Variants in ITGA2 observed in about 807,000 individuals in gnomAD.
The protein encoded by ITGA2 is integrin alpha-2.
Under a neutral mutation model 146.3 loss-of-function variants are expected in ITGA2, and 101 were observed. The ratio of observed to expected loss-of-function variants is 0.69; its 90% confidence interval spans 0.59 to 0.81. ITGA2 has a LOEUF of 0.81. ITGA2 is among the 40% of genes least tolerant of loss of function. The pLI is 0.00. For synonymous variants in ITGA2, 477 were observed against 487.1 expected (o/e 0.98, Z 0.27); for missense variants, 1,281 against 1,402.7 (o/e 0.91, Z 1.39).
At chr5:53,081,774 C>A in intron 26 of ITGA2, 78 bp downstream of exon 26, 1 of 935,336 alleles carries the variant, frequency 1.1e-6, no homozygotes, top group Non-Finnish European at 1.7e-6. Flanking sequence ...TTTCTCCTAC[C>A]AGCTGATATC....
Position 53,061,034 on chromosome 5 carries a change from C to T in ITGA2, c.1446C>T (p.His482=), listed in dbSNP as rs1394220172. ...GCAATATCACGGTTATTCAGGCTCA[C>T]CGAGGTGACCAGGTAAATCTCACTG... ...ENGNITVIQA[H]RGDQIGSYFG... is the part of the protein sequence containing the mutation. The change falls in exon 12 of 30, where the codon CAC becomes CAT. Residue 482 remains histidine, a synonymous_variant. Transcript: ENST00000296585. 1 of 1,612,034 alleles carries T rather than the reference C, an allele frequency of 6.2e-7. No homozygotes were observed. Among genetic ancestry groups the T allele is most frequent in the East Asian group, 2.2e-5 (1 of 44,802 alleles).
At chr5:53,000,897 GTTTTTT>G (rs369482288) in intron 1 of ITGA2, among the ~76,000 whole-genome samples, 1 of 97,224 alleles carries the variant, frequency 1.0e-5, no homozygotes, top group Non-Finnish European at 2.0e-5. Context: ...TTTTCTTTTT[GTTTTTT>G]TTTTTTTTTT....
At chr5:53,008,718 T>C (rs998560923) in intron 1 of ITGA2, among the ~76,000 whole-genome samples, 9 of 152,132 alleles carry the variant, frequency 5.9e-5, no homozygotes, top group African/African-American at 2.2e-4. Context: ...GAAAATGCAG[T>C]GCCCTCTCAA....
At chr5:53,019,500 G>C (rs1241518398) in intron 1 of ITGA2, among the ~76,000 whole-genome samples, 1 of 151,986 alleles carries the variant, frequency 6.6e-6, no homozygotes, top group Admixed American at 6.6e-5. Context: ...AACAGTCATG[G>C]TATTGCAGGG....
Position 53,074,481 on chromosome 5 carries a change from C to A in ITGA2, c.2664+4C>A, listed in dbSNP as rs761047513. On this transcript the variant is annotated splice_donor_region_variant and intron_variant, in intron 21 of 29. Coordinates refer to ENST00000296585, the MANE Select transcript of ITGA2 (RefSeq NM_002203.4). Reference sequence around the variant, plus strand: ...TGCTTTAAAGAGAGAACAACAGGTACAACTTGCATTTCATCCTCCAATCCA... The same window carrying A: ...TGCTTTAAAGAGAGAACAACAGGTAAAACTTGCATTTCATCCTCCAATCCA... 2.5e-6 allele frequency: 4 copies of A among 1,608,798 alleles called. No individual in the cohort carries two copies. The South Asian group carries it at 3.3e-5, about 13-fold the overall frequency.
Position 53,060,940 on chromosome 5 carries a change from A to G in ITGA2, c.1352A>G (p.His451Arg), listed in dbSNP as rs751996649. The change falls in exon 12 of 30, where the codon CAC (histidine) becomes CGC (arginine). Residue 451 changes from histidine to arginine, a missense_variant. By Grantham distance (29) the His-to-Arg change is conservative. This residue lies in a region of ITGA2 where 795 missense variants were observed against 841.7 expected (regional missense o/e 0.94). Transcript: ENST00000296585. Reference protein sequence around the residue: ...VAAISTGESTHFVAGAPRANY... With the variant: ...VAAISTGESTRFVAGAPRANY... Reference sequence around the variant, plus strand: ...GCAATTTCTACTGGAGAAAGCACTCACTTTGTTGCTGGTGCTCCTCGGGCA... The same window carrying G: ...GCAATTTCTACTGGAGAAAGCACTCGCTTTGTTGCTGGTGCTCCTCGGGCA... 1.2e-6 allele frequency: 2 copies of G among 1,612,454 alleles called. No individual in the cohort carries two copies. Among genetic ancestry groups the G allele is most frequent in the Non-Finnish European group, 1.7e-6 (2 of 1,178,950 alleles).
Position 53,056,073 on chromosome 5 carries a change from C to T in ITGA2, c.1020C>T (p.Tyr340=). The change falls in exon 9 of 30, where the codon TAC becomes TAT. Residue 340 remains tyrosine (Y), a synonymous_variant. Coordinates refer to ENST00000296585, the MANE Select transcript of ITGA2 (RefSeq NM_002203.4). ...KAIASIPTER[Y]FFNVSDEAAL... ...TCGCTAGTATTCCAACAGAAAGATA[C>T]TTTTTCAATGTGTCTGATGAAGCAG... is the stretch of plus-strand genomic sequence containing the variant. The T allele has an allele frequency of 6.2e-7, 1 of 1,611,716 alleles. No homozygotes were observed. The highest frequency in any genetic ancestry group is 1.1e-5 in the South Asian group (1 of 90,798).
rs1740498593 is a variant in ITGA2, at chr5:53,092,916, TG to T, written c.*2319del. On this transcript the variant is annotated 3_prime_UTR_variant, in exon 30 of 30. Transcript: ENST00000296585. ...CGAGGTCAGGAGTTTGAGACTAGCC[TG>T]GCCAACATGGTGAAACCCCATCTCT... is the stretch of plus-strand genomic sequence containing the variant. 1 of 149,716 alleles carries T rather than the reference TG, an allele frequency of 6.7e-6. No homozygotes were observed. Among genetic ancestry groups the T allele is most frequent in the African/African-American group, 2.5e-5 (1 of 39,910 alleles). The allele number at this position is 149,716 out of a possible 1,614,324, so 9.3% of individuals were successfully genotyped here. A position where few individuals can be genotyped will look rare whatever the true frequency, so the allele number is the denominator to read the frequency against.
chr5:52,997,228 G>A (rs1741310901), intron 1 of ITGA2, among the ~76,000 whole-genome samples: 1 of 152,170 alleles, frequency 6.6e-6, no homozygotes, highest in East Asian at 1.9e-4. Context: ...AGACTTGTCT[G>A]TTCTGTTGCC....
Position 53,064,901 on chromosome 5 carries a change from C to G in ITGA2, c.1603-11C>G. The G allele has an allele frequency of 6.2e-7, 1 of 1,611,772 alleles. No individual in the cohort carries two copies. The highest frequency in any genetic ancestry group is 8.5e-7 in the Non-Finnish European group (1 of 1,178,382). On this transcript the variant is annotated splice_polypyrimidine_tract_variant and intron_variant, in intron 13 of 29. Transcript: ENST00000296585. ...TTTGCTTTAATCATCCTTTTGTTTC[C>G]CCTTTGCAAGGGCATTTTGGGTCAG...
At chr5:53,034,007 C>T (rs570844398) in intron 2 of ITGA2, among the ~76,000 whole-genome samples, 3 of 152,166 alleles carry the variant, frequency 2.0e-5, no homozygotes, top group African/African-American at 7.2e-5. Flanking sequence ...TCAAGTGATC[C>T]CATCTCAGCC....
chr5:53,075,978 T>C (rs3212596), intron 23 of ITGA2, among the ~76,000 whole-genome samples: 8,069 of 152,092 alleles, frequency 0.053, 734 homozygotes, highest in African/African-American at 0.19. Context: ...ATGTCACTGG[T>C]TGATACAGGC....
At chr5:52,991,099 C>T (rs961219168) in intron 1 of ITGA2, among the ~76,000 whole-genome samples, 2 of 152,082 alleles carry the variant, frequency 1.3e-5, no homozygotes, top group African/African-American at 4.8e-5. Context: ...GAGACTTAAC[C>T]TGGAGTTAAT....
In ITGA2 at chr5:53,006,857, A is replaced by G. The variant is rs181587761; in HGVS notation, c.64+17325A>G. ...CTAACACAACATATTTCAACAACAA[A>G]AACATAAAAAAAAATTCATTAATCA... On this transcript the variant is annotated intron_variant, in intron 1 of 29. Transcript: ENST00000296585. Among the ~76,000 whole-genome samples the G allele has an allele frequency of 1.2e-3, 179 of 152,244 alleles. 1 individual carries two copies. In the South Asian group the frequency reaches 0.027, roughly 23 times the overall value.
intron 1 of ITGA2, among the ~76,000 whole-genome samples, chr5:53,016,197 G>C (rs1346300286): frequency 6.6e-6 from 1 of 152,162 alleles, no homozygotes; most frequent in African/African-American, 2.4e-5. Flanking sequence ...ATGTACTTAA[G>C]TGTGTTTTTG....
intron 1 of ITGA2, among the ~76,000 whole-genome samples, chr5:52,991,837 G>C (rs564422056): frequency 1.3e-5 from 2 of 152,128 alleles, no homozygotes; most frequent in Non-Finnish European, 2.9e-5. Flanking sequence ...TTAATACCAT[G>C]AAAATGGTAA....
rs767342253 is a variant in ITGA2, at chr5:53,059,889, G to A, written c.1189G>A (p.Gly397Ser). 8.6e-5 allele frequency: 138 copies of A among 1,611,958 alleles called. No homozygotes were observed. Among genetic ancestry groups the A allele is most frequent in the Non-Finnish European group, 1.1e-4 (132 of 1,178,836 alleles). ...YSSQNDILMLGAVGAFGWSGT... is the reference protein window; with the variant it reads ...YSSQNDILMLSAVGAFGWSGT... ...ATTATTTTAGGATATTCTGATGCTG[G>A]GTGCAGTGGGAGCTTTTGGCTGGAG... Residue 397 changes from glycine (G) to serine (S), a missense_variant, in exon 11 of 30, where the codon GGT (glycine) becomes AGT (serine). Transcript: ENST00000296585.
chr5:53,075,491 A>G (rs1346512447), intron 23 of ITGA2, among the ~76,000 whole-genome samples, 187 bp downstream of exon 23: 1 of 152,036 alleles, frequency 6.6e-6, no homozygotes, highest in Non-Finnish European at 1.5e-5. Flanking sequence ...GTGACTCGTT[A>G]GGCTTATTAA....
intron 2 of ITGA2, among the ~76,000 whole-genome samples, chr5:53,032,783 C>T (rs1003004841): frequency 1.3e-5 from 2 of 152,128 alleles, no homozygotes; most frequent in African/African-American, 4.8e-5. Flanking sequence ...TACCATCCAT[C>T]TTTTCATCCT....
Sources: gnomAD v4.1 joint callset for allele counts (sites outside exome capture counted in the v4.1 genomes callset) on GRCh38, gnomAD v4.1.1 for gene constraint, gnomAD v4.1.1 regional missense constraint, MANE v1.5 for transcripts, NCBI Gene and HGNC (gene_info 2026-07-23, HGNC 2026-07-21) for gene names.